The following SEMA3D variants were observed in gnomAD, a reference collection of about 807,000 sequenced individuals.
SEMA3D encodes semaphorin-3D.
Under a neutral mutation model 100.1 loss-of-function variants are expected in SEMA3D, and 84 were observed. That is an observed-to-expected ratio of 0.84 (90% confidence interval 0.70 to 1.01). SEMA3D has a LOEUF of 1.01. Ranked by LOEUF, SEMA3D falls within the 50% of genes least tolerant of loss-of-function variation. SEMA3D has a pLI of 0.00. For synonymous variants in SEMA3D, 312 were observed against 320.7 expected (o/e 0.97, Z 0.29); for missense variants, 875 against 934.1 (o/e 0.94, Z 0.82).
the SEMA3D span, among the ~76,000 whole-genome samples, chr7:85,244,946 G>A: frequency 6.6e-6 from 1 of 152,076 alleles, no homozygotes; most frequent in Non-Finnish European, 1.5e-5. Context: ...TCCTGACCTT[G>A]TGATCTGCCC....
At chr7:85,041,040 G>T (rs1790847215) in intron 10 of SEMA3D, 5 of 179,872 alleles carry the variant, frequency 2.8e-5, no homozygotes, top group Non-Finnish European at 3.4e-5. Flanking sequence ...CTATAATTGT[G>T]TCAACTTAGT....
chr7:85,025,675 A>G (rs1189135374), intron 12 of SEMA3D, among the ~76,000 whole-genome samples: 1 of 151,990 alleles, frequency 6.6e-6, no homozygotes, highest in African/African-American at 2.4e-5. Flanking sequence ...CAAAAGAAAG[A>G]CTGAACTAGG....
rs142648136 is a variant in SEMA3D, at chr7:85,118,406, A to T, written c.151+3335T>A. On this transcript the variant is annotated intron_variant, in intron 3 of 18. Coordinates refer to ENST00000284136, the MANE Select transcript of SEMA3D (RefSeq NM_001384900.1). ...TTTCCTGTTTTTTTGTATGTCTAGT[A>T]TGTTTTTATTGTATCTGGACATTAT... Among the ~76,000 whole-genome samples the T allele has an allele frequency of 7.9e-5, 12 of 152,128 alleles. No homozygotes were observed. The East Asian group carries it at 2.3e-3, about 29-fold the overall frequency.
intron 3 of SEMA3D, among the ~76,000 whole-genome samples, chr7:85,100,895 TA>T (rs767689024): frequency 1.3e-5 from 2 of 151,948 alleles, no homozygotes; most frequent in South Asian, 2.1e-4. Flanking sequence ...TTACTGAACA[TA>T]AATGTCTTAC....
chr7:85,102,442 A>G (rs1274821854), intron 3 of SEMA3D, among the ~76,000 whole-genome samples: 1 of 151,968 alleles, frequency 6.6e-6, no homozygotes, highest in Admixed American at 6.6e-5. Flanking sequence ...AATTGTTTGT[A>G]TGACTGAGGA....
chr7:85,066,911 CACAGAG>C (rs1254280755), intron 7 of SEMA3D, among the ~76,000 whole-genome samples: 2 of 90,574 alleles, frequency 2.2e-5, no homozygotes, highest in South Asian at 3.3e-4. Flanking sequence ...CACACACACA[CACAGAG>C]AGAGAGAGAG....
intron 1 of SEMA3D, among the ~76,000 whole-genome samples, chr7:85,166,587 C>T (rs547859404): frequency 2.0e-5 from 3 of 152,098 alleles, no homozygotes; most frequent in South Asian, 4.1e-4. Context: ...ACTCTTAACA[C>T]TTCATTTGCA....
intron 16 of SEMA3D, among the ~76,000 whole-genome samples, chr7:85,013,875 A>C (rs1790025289): frequency 6.6e-6 from 1 of 151,764 alleles, no homozygotes; most frequent in Non-Finnish European, 1.5e-5. Flanking sequence ...GGGTCAATTC[A>C]TCAAACTGAA....
chr7:85,170,233 G>A (rs1791049281), intron 1 of SEMA3D, among the ~76,000 whole-genome samples: 1 of 151,788 alleles, frequency 6.6e-6, no homozygotes, highest in African/African-American at 2.4e-5. Flanking sequence ...GTTCTATGAT[G>A]TATGTTTGAA....
chr7:85,144,479 G>C (rs927192397), intron 2 of SEMA3D: 2 of 976,398 alleles, frequency 2.0e-6, no homozygotes, highest in African/African-American at 3.5e-5. Context: ...TTTTATGTGA[G>C]ATAGAGGGGA....
intron 2 of SEMA3D, among the ~76,000 whole-genome samples, chr7:85,130,455 T>C (rs961313417): frequency 1.3e-5 from 2 of 152,180 alleles, no homozygotes; most frequent in Admixed American, 1.3e-4. Flanking sequence ...TTTCTAATTG[T>C]GTCACTATAA....
At chr7:85,189,974 C>G (rs757398111), upstream of SEMA3D, among the ~76,000 whole-genome samples, 31 of 152,086 alleles carry the variant, frequency 2.0e-4, no homozygotes, top group Non-Finnish European at 4.1e-4. Flanking sequence ...GAGAAGGCAG[C>G]AGGGATGGGT....
At chr7:85,020,381 T>C in intron 13 of SEMA3D, 60 bp from the exon 14 acceptor site, 2 of 1,212,532 alleles carry the variant, frequency 1.6e-6, no homozygotes, top group Non-Finnish European at 2.4e-6. Flanking sequence ...GTGGTAAGCA[T>C]ATCCCTAGAA....
intron 8 of SEMA3D, among the ~76,000 whole-genome samples, chr7:85,058,740 T>A (rs1583881248): frequency 1.1e-5 from 1 of 92,896 alleles, no homozygotes; most frequent in Non-Finnish European, 1.9e-5. Context: ...AGAGCGAGAC[T>A]CCACTACAAA....
At chr7:85,249,867 A>G in the SEMA3D span, among the ~76,000 whole-genome samples, 1 of 152,214 alleles carries the variant, frequency 6.6e-6, no homozygotes, top group Non-Finnish European at 1.5e-5. Flanking sequence ...GGGAGGAGCC[A>G]AGATGGCCGA....
chr7:85,074,660 G>A (rs1234501214), intron 5 of SEMA3D, among the ~76,000 whole-genome samples: 1 of 150,974 alleles, frequency 6.6e-6, no homozygotes. Flanking sequence ...CTTTGAGACA[G>A]GCTGCTGGAG....
At chr7:85,119,645 A>C (rs1789350230) in intron 3 of SEMA3D, among the ~76,000 whole-genome samples, 1 of 152,190 alleles carries the variant, frequency 6.6e-6, no homozygotes, top group Admixed American at 6.6e-5. Flanking sequence ...GATCAGGAAA[A>C]ATAACTAATG....
the SEMA3D span, among the ~76,000 whole-genome samples, chr7:85,215,467 A>G: frequency 6.6e-6 from 1 of 152,128 alleles, no homozygotes. Flanking sequence ...GTATTAAACT[A>G]CTTTGTTCTA....
the SEMA3D span, among the ~76,000 whole-genome samples, chr7:85,227,370 G>A: frequency 9.5e-3 from 1,448 of 152,186 alleles, 24 homozygotes; most frequent in African/African-American, 0.033. Context: ...AGGGCAGATT[G>A]CTCATGACTG....
Sources: gnomAD v4.1 joint callset for allele counts (sites outside exome capture counted in the v4.1 genomes callset) on GRCh38, gnomAD v4.1.1 for gene constraint, MANE v1.5 for transcripts, NCBI Gene and HGNC (gene_info 2026-07-23, HGNC 2026-07-21) for gene names.